The following ADAMTSL1 variants were observed in gnomAD, a reference collection of about 807,000 sequenced individuals.
ADAMTSL1 encodes ADAMTS-like protein 1.
In ADAMTSL1, 126 loss-of-function variants were observed where a neutral mutation model predicts 201.8. The ratio of observed to expected loss-of-function variants is 0.62; its 90% CI spans 0.54 to 0.72. The LOEUF (loss-of-function observed/expected upper bound fraction) is 0.72, where lower values mean the gene tolerates loss of function less well. Among genes scored for constraint, ADAMTSL1 ranks in the 30% least tolerant of loss-of-function variants. ADAMTSL1 has a pLI of 0.00. For missense variants in ADAMTSL1, 2,679 were observed against 2,277.8 expected (o/e 1.18, Z -3.59); for synonymous variants, 1,121 against 903.4 (o/e 1.24, Z -4.32).
At chr9:18,525,588 A>C (rs560519979) in intron 2 of ADAMTSL1, among the ~76,000 whole-genome samples, 2 of 152,328 alleles carry the variant, frequency 1.3e-5, no homozygotes, top group South Asian at 2.1e-4. Flanking sequence ...TTAGTGCTGC[A>C]AATTTTTCCT....
intron 2 of ADAMTSL1, among the ~76,000 whole-genome samples, chr9:18,353,369 G>T (rs148505990): frequency 6.6e-6 from 1 of 152,120 alleles, no homozygotes; most frequent in African/African-American, 2.4e-5. Flanking sequence ...TCTAGTTCTA[G>T]CACAACTTAC....
At chr9:18,105,985 C>T (rs963378553) in intron 1 of ADAMTSL1, among the ~76,000 whole-genome samples, 2 of 152,198 alleles carry the variant, frequency 1.3e-5, no homozygotes, top group African/African-American at 2.4e-5. Flanking sequence ...TTTGCAATAT[C>T]GGTCAGGAGA....
intron 1 of ADAMTSL1, among the ~76,000 whole-genome samples, chr9:18,496,148 T>G (rs76634984): frequency 0.021 from 3,134 of 152,272 alleles, 110 homozygotes; most frequent in African/African-American, 0.071. Context: ...AGCTACAAAG[T>G]CTTGTTTTAA....
intron 1 of ADAMTSL1, among the ~76,000 whole-genome samples, chr9:17,913,516 A>G (rs984121456): frequency 6.6e-6 from 1 of 152,192 alleles, no homozygotes; most frequent in African/African-American, 2.4e-5. Context: ...GGACACATTC[A>G]AAGTAGTGTG....
chr9:18,656,650 A>AAAAAAAAAAAT (rs71506010), intron 7 of ADAMTSL1, among the ~76,000 whole-genome samples: 5 of 148,382 alleles, frequency 3.4e-5, no homozygotes, highest in Admixed American at 6.9e-5. Context: ...AAAAAAGAAA[A>AAAAAAAAAAAT]TGTTAAGACT....
chr9:17,936,756 C>G (rs570034637), intron 1 of ADAMTSL1, among the ~76,000 whole-genome samples: 7 of 152,190 alleles, frequency 4.6e-5, no homozygotes, highest in Admixed American at 1.3e-4. Context: ...TCGCCACCGC[C>G]TGCATGGATG....
intron 23 of ADAMTSL1, among the ~76,000 whole-genome samples, chr9:18,875,749 A>G (rs114616532): frequency 0.02 from 3,034 of 152,290 alleles, 110 homozygotes; most frequent in African/African-American, 0.069. Flanking sequence ...ATATTCTACA[A>G]ATATCTGTTA....
chr9:17,975,803 A>G (rs1160167823), intron 1 of ADAMTSL1, among the ~76,000 whole-genome samples: 1 of 152,090 alleles, frequency 6.6e-6, no homozygotes, highest in African/African-American at 2.4e-5. Flanking sequence ...GCCCGGATCA[A>G]TGTCATAAAG....
intron 2 of ADAMTSL1, among the ~76,000 whole-genome samples, chr9:18,335,980 G>A (rs1046197669): frequency 2.6e-4 from 40 of 152,076 alleles, no homozygotes; most frequent in Non-Finnish European, 5.3e-4. Context: ...AATTAACCTA[G>A]CATTATGGGA....
In ADAMTSL1 at chr9:18,906,759, C is replaced by T; in HGVS notation, c.5029C>T (p.Leu1677=). 1 of 1,613,874 alleles carries T rather than the reference C, an allele frequency of 6.2e-7. No homozygotes were observed. Among genetic ancestry groups the T allele is most frequent in the East Asian group, 2.2e-5 (1 of 44,870 alleles). ...SVHWRVSLWT[L]CTATCGNYGF... is the part of the protein sequence containing the mutation. ...ACACTGGAGAGTCAGCCTGTGGACC[C>T]TGTGCACAGCTACCTGTGGCAACTA... The change falls in exon 28 of 29, where the codon CTG becomes TTG. Residue 1677 remains leucine (L), a synonymous_variant. Coordinates refer to ENST00000380548, the MANE Select transcript of ADAMTSL1 (RefSeq NM_001040272.6).
chr9:18,511,940 G>A (rs1818049324), intron 2 of ADAMTSL1, among the ~76,000 whole-genome samples: 1 of 152,082 alleles, frequency 6.6e-6, no homozygotes, highest in Non-Finnish European at 1.5e-5. Context: ...TTCAGCTCAA[G>A]TGAGCCCCAA....
At chr9:17,916,180 CA>C (rs1826086424) in intron 1 of ADAMTSL1, among the ~76,000 whole-genome samples, 1 of 152,208 alleles carries the variant, frequency 6.6e-6, no homozygotes, top group Admixed American at 6.5e-5. Context: ...TTCAGCCTCC[CA>C]AAGTACTGGG....
At chr9:18,251,454 A>C (rs1276572939) in intron 2 of ADAMTSL1, among the ~76,000 whole-genome samples, 1 of 152,224 alleles carries the variant, frequency 6.6e-6, no homozygotes, top group Non-Finnish European at 1.5e-5. Flanking sequence ...TCTAGATAGA[A>C]AGTACAAGTT....
intron 1 of ADAMTSL1, among the ~76,000 whole-genome samples, chr9:17,981,426 C>T (rs1818689763): frequency 6.6e-6 from 1 of 152,178 alleles, no homozygotes; most frequent in Non-Finnish European, 1.5e-5. Flanking sequence ...GTCATTTAAA[C>T]ATCTAAAGTC....
At chr9:18,031,388 T>C (rs1462361557) in intron 1 of ADAMTSL1, among the ~76,000 whole-genome samples, 5 of 152,184 alleles carry the variant, frequency 3.3e-5, no homozygotes, top group Non-Finnish European at 7.4e-5. Context: ...ATTGGCTTTT[T>C]TTCTGGCTGC....
At chr9:18,111,724 T>A in intron 1 of ADAMTSL1, among the ~76,000 whole-genome samples, 1 of 152,172 alleles carries the variant, frequency 6.6e-6, no homozygotes, top group East Asian at 1.9e-4. Flanking sequence ...ATAATACAGA[T>A]ACTTTCTTTT....
intron 4 of ADAMTSL1, among the ~76,000 whole-genome samples, chr9:18,621,247 T>G (rs1434370638): frequency 6.6e-6 from 1 of 152,164 alleles, no homozygotes; most frequent in Admixed American, 6.5e-5. Context: ...GACTCAGATA[T>G]TAGAAAGTAA....
chr9:17,932,758 C>T (rs1826847694), intron 1 of ADAMTSL1, among the ~76,000 whole-genome samples: 1 of 152,124 alleles, frequency 6.6e-6, no homozygotes, highest in Non-Finnish European at 1.5e-5. Flanking sequence ...AAGTAATCTG[C>T]TTATTACAAT....
intron 2 of ADAMTSL1, among the ~76,000 whole-genome samples, chr9:18,439,369 T>C (rs1449614418): frequency 1.3e-5 from 2 of 152,214 alleles, no homozygotes; most frequent in African/African-American, 4.8e-5. Flanking sequence ...ATCTTTATAA[T>C]AGCTTTGTTT....
Sources: allele counts gnomAD v4.1 joint callset (sites outside exome capture counted in the v4.1 genomes callset), GRCh38; gene constraint gnomAD v4.1.1; transcripts MANE v1.5; gene names NCBI Gene and HGNC (gene_info 2026-07-23, HGNC 2026-07-21).